DNAH7: variants seen among roughly 807,000 people sequenced by gnomAD.
DNAH7 encodes the protein axonemal beta dynein heavy chain 7.
In DNAH7, 397 loss-of-function variants were observed where a neutral mutation model predicts 444.6. The ratio of observed to expected loss-of-function variants is 0.89; its 90% CI spans 0.82 to 0.97. The LOEUF (loss-of-function observed/expected upper bound fraction) is 0.97, where lower values mean the gene tolerates loss of function less well. Among genes scored for constraint, DNAH7 ranks in the 50% least tolerant of loss-of-function variants. The pLI, the probability that DNAH7 is intolerant of heterozygous loss-of-function variation, is 0.00. For synonymous variants in DNAH7, 1,636 were observed against 1,624.4 expected (o/e 1.01, Z -0.17); for missense variants, 4,902 against 4,800.8 (o/e 1.02, Z -0.62).
At chr2:195,823,529 T>G (rs1697570313) in intron 49 of DNAH7, among the ~76,000 whole-genome samples, 1 of 152,192 alleles carries the variant, frequency 6.6e-6, no homozygotes, top group Non-Finnish European at 1.5e-5. Context: ...AGGCAAGTAT[T>G]TGAATTCACT....
chr2:195,907,059 G>A (rs1687072527), intron 25 of DNAH7, 50 bp from the exon 26 acceptor site: 4 of 1,368,864 alleles, frequency 2.9e-6, no homozygotes, highest in African/African-American at 1.5e-5. Context: ...ATTCAATGTT[G>A]CAATGAAATG....
chr2:195,866,402 C>G (rs942679880), intron 40 of DNAH7, among the ~76,000 whole-genome samples: 1 of 151,530 alleles, frequency 6.6e-6, no homozygotes, highest in African/African-American at 2.4e-5. Context: ...AAACTTCCTT[C>G]TTATTCCAAC....
At chr2:195,804,050 A>G (rs1574465747) in intron 54 of DNAH7, among the ~76,000 whole-genome samples, 1 of 110,258 alleles carries the variant, frequency 9.1e-6, no homozygotes, top group Admixed American at 9.0e-5. Flanking sequence ...TTTTGAGGGG[A>G]GAGGGGGGGA....
At chr2:195,814,516 T>C (rs1697131869) in intron 51 of DNAH7, among the ~76,000 whole-genome samples, 1 of 152,196 alleles carries the variant, frequency 6.6e-6, no homozygotes, top group African/African-American at 2.4e-5. Flanking sequence ...CATAGGATTG[T>C]TTGAATTTTT....
At chr2:195,754,191 G>T in intron 63 of DNAH7, 146 bp downstream of exon 63, 1 of 836,984 alleles carries the variant, frequency 1.2e-6, no homozygotes, top group South Asian at 2.1e-5. Flanking sequence ...TTTGCTCTCT[G>T]TATCTCAATA....
At chr2:195,960,235 C>T (rs1238469627) in intron 18 of DNAH7, 25 bp downstream of exon 18, 1 of 1,553,178 alleles carries the variant, frequency 6.4e-7, no homozygotes, top group Admixed American at 1.9e-5. Flanking sequence ...ATAGCATAAA[C>T]ATTGCCATAT....
intron 30 of DNAH7, chr2:195,893,732 G>A (rs1219875751): frequency 6.6e-6 from 1 of 152,208 alleles, no homozygotes; most frequent in East Asian, 1.9e-4. Flanking sequence ...CGATAGCTTG[G>A]TTGGCTAAGG....
At chr2:195,780,836 GCTTT>G (rs572915530) in intron 58 of DNAH7, among the ~76,000 whole-genome samples, 2 of 151,786 alleles carry the variant, frequency 1.3e-5, no homozygotes, top group Non-Finnish European at 2.9e-5. Flanking sequence ...TCATTTTTGT[GCTTT>G]CTGTGTCCTC....
chr2:195,975,062 G>T (rs1692093095), intron 15 of DNAH7, among the ~76,000 whole-genome samples: 1 of 152,114 alleles, frequency 6.6e-6, no homozygotes, highest in Non-Finnish European at 1.5e-5. Context: ...CTGAATCGAA[G>T]CCTCCACTGA....
chr2:195,862,645 T>TCC (rs1236476026), intron 41 of DNAH7, among the ~76,000 whole-genome samples: 2 of 151,828 alleles, frequency 1.3e-5, no homozygotes, highest in African/African-American at 4.9e-5. Context: ...TGTCACCCTC[T>TCC]CCTTCCTTCT....
intron 19 of DNAH7, among the ~76,000 whole-genome samples, chr2:195,947,286 G>A (rs1689880768): frequency 6.6e-6 from 1 of 151,742 alleles, no homozygotes; most frequent in African/African-American, 2.4e-5. Context: ...TGAGCCACAT[G>A]TCTTATTTTT....
intron 1 of DNAH7, among the ~76,000 whole-genome samples, chr2:196,064,337 AAATAAATAAATAATAAAT>A (rs1275173495): frequency 8.3e-4 from 53 of 64,020 alleles, no homozygotes; most frequent in African/African-American, 2.1e-3. Flanking sequence ...ATAAATAAAT[AAATAAATAAATAATAAAT>A]AATAAATAAA....
At chr2:195,856,462 C>T (rs1384330677) in intron 44 of DNAH7, among the ~76,000 whole-genome samples, 1 of 152,076 alleles carries the variant, frequency 6.6e-6, no homozygotes. Flanking sequence ...TAAATTCTCT[C>T]CCTAGTATCT....
intron 17 of DNAH7, among the ~76,000 whole-genome samples, chr2:195,967,823 T>C (rs1313196688): frequency 6.6e-6 from 1 of 152,210 alleles, no homozygotes; most frequent in Non-Finnish European, 1.5e-5. Context: ...GAGGTAGTCT[T>C]CTTTGGGTTA....
At chr2:196,057,064 C>G (rs1697853368) in intron 2 of DNAH7, among the ~76,000 whole-genome samples, 1 of 152,166 alleles carries the variant, frequency 6.6e-6, no homozygotes, top group Non-Finnish European at 1.5e-5. Context: ...TAAAATCATT[C>G]TATGTCTTAA....
intron 47 of DNAH7, among the ~76,000 whole-genome samples, chr2:195,843,551 C>T (rs78836216): frequency 1.8e-3 from 270 of 152,196 alleles, no homozygotes; most frequent in African/African-American, 6.2e-3. Context: ...TATCAGAAAG[C>T]GTCAAACTTA....
At chr2:196,022,050 C>A (rs924064704) in intron 8 of DNAH7, among the ~76,000 whole-genome samples, 7 of 152,038 alleles carry the variant, frequency 4.6e-5, no homozygotes, top group Non-Finnish European at 8.8e-5. Context: ...TCGCTTGAAA[C>A]CCAGAGGCAG....
intron 30 of DNAH7, chr2:195,892,827 T>C (rs2125231133): frequency 6.6e-6 from 1 of 151,802 alleles, no homozygotes; most frequent in East Asian, 1.9e-4. Context: ...TTATTTTTTA[T>C]ATATAAAAAC....
intron 19 of DNAH7, among the ~76,000 whole-genome samples, chr2:195,949,021 T>G (rs1297862810): frequency 6.6e-6 from 1 of 152,168 alleles, no homozygotes; most frequent in African/African-American, 2.4e-5. Flanking sequence ...CCCTTGTAAG[T>G]TGTATTCCTA....
Sources: gnomAD v4.1 joint callset for allele counts (sites outside exome capture counted in the v4.1 genomes callset) on GRCh38, gnomAD v4.1.1 for gene constraint, MANE v1.5 for transcripts, NCBI Gene and HGNC (gene_info 2026-07-23, HGNC 2026-07-21) for gene names.